Variants in TRNT1 observed in about 807,000 individuals in gnomAD.
TRNT1 encodes the protein tRNA nucleotidyl transferase 1, also known as CCA tRNA nucleotidyltransferase 1, mitochondrial.
A neutral mutation model predicts 45.6 loss-of-function variants in TRNT1; 44 were observed. The ratio of observed to expected loss-of-function variants is 0.97; its 90% CI spans 0.76 to 1.24. The LOEUF (loss-of-function observed/expected upper bound fraction) is 1.24, where lower values mean the gene tolerates loss of function less well. Ranked by LOEUF, TRNT1 falls within the 50% of genes most tolerant of loss-of-function variation. The probability of loss-of-function intolerance (pLI) is 0.00; values close to 1 mark genes in which losing one functional copy is unlikely to be tolerated. For missense variants in TRNT1, 633 were observed against 504.4 expected (o/e 1.25, Z -2.44); for synonymous variants, 201 against 171.4 (o/e 1.17, Z -1.35).
intron 2 of TRNT1, 88 bp from the exon 3 acceptor site, chr3:3,137,172 G>A (rs1270327471): frequency 1.8e-6 from 2 of 1,087,082 alleles, no homozygotes; most frequent in Non-Finnish European, 2.6e-6. Flanking sequence ...GTTCCAACTA[G>A]ATGGAAAAGC....
In TRNT1 at chr3:3,128,953, G is replaced by C. The variant is rs1270371588; in HGVS notation, c.-27-61G>C. 6.2e-6 allele frequency: 8 copies of C among 1,281,136 alleles called. No homozygotes were observed. In the East Asian group the frequency reaches 7.1e-5, roughly 11 times the overall value. The allele number at this position is 1,281,136 out of a possible 1,614,324, so 79.4% of individuals were successfully genotyped here. A position where few individuals can be genotyped will look rare whatever the true frequency, so the allele number is the denominator to read the frequency against. Reference sequence around the variant, plus strand: ...ATAAACTTGAAATGTGTCCCCCTTTGTTTTCCTTCACTTACCTTCACTTTT... The same window carrying C: ...ATAAACTTGAAATGTGTCCCCCTTTCTTTTCCTTCACTTACCTTCACTTTT... On this transcript the variant is annotated intron_variant, in intron 1 of 7. Transcript: ENST00000251607.
chr3:3,145,607 C>T (rs1247050300), intron 5 of TRNT1: 2 of 151,670 alleles, frequency 1.3e-5, no homozygotes, highest in African/African-American at 2.4e-5. Flanking sequence ...ACACACTAAC[C>T]TTTTTAAAAA....
chr3:3,148,568 GTTC>G lies in TRNT1; in HGVS notation c.*417_*419del, dbSNP rs567907193. The stretch of plus-strand genomic sequence containing the variant: ...AACAATGACTGTCTATGATGTGTCA[GTTC>G]TTATCTGAATTCCAAAATAAACCTG... On this transcript the variant is annotated 3_prime_UTR_variant, in exon 8 of 8. Transcript: ENST00000251607. 822 of 153,464 alleles carry G rather than the reference GTTC, an allele frequency of 5.4e-3. No individual in the cohort carries two copies. Among genetic ancestry groups the G allele is most frequent in the Middle Eastern group, 0.017 (5 of 296 alleles). The allele number at this position is 153,464 out of a possible 1,614,324, so 9.5% of individuals were successfully genotyped here. A position where few individuals can be genotyped will look rare whatever the true frequency, so the allele number is the denominator to read the frequency against.
intron 3 of TRNT1, among the ~76,000 whole-genome samples, 180 bp downstream of exon 3, chr3:3,137,633 C>T (rs1705408490): frequency 1.3e-5 from 2 of 152,154 alleles, no homozygotes; most frequent in African/African-American, 4.8e-5. Context: ...TGTTACCTCT[C>T]CATTTCTAAA....
chr3:3,138,976 C>T (rs1227531569), intron 3 of TRNT1, among the ~76,000 whole-genome samples: 2 of 152,102 alleles, frequency 1.3e-5, no homozygotes, highest in African/African-American at 2.4e-5. Flanking sequence ...TAGGAGTTTT[C>T]ATTAGGAGAA....
At chr3:3,127,691 G>C (rs1390132716) in intron 1 of TRNT1, 1 of 152,262 alleles carries the variant, frequency 6.6e-6, no homozygotes, top group African/African-American at 2.4e-5. Flanking sequence ...GGGAAGTAGG[G>C]TGATACCCAC....
At chr3:3,134,759 G>A (rs747577818) in intron 2 of TRNT1, among the ~76,000 whole-genome samples, 1 of 152,040 alleles carries the variant, frequency 6.6e-6, no homozygotes, top group Non-Finnish European at 1.5e-5. Context: ...TTAATTATGA[G>A]CCAGATTGGT....
downstream of TRNT1, chr3:3,153,366 C>T: frequency 2.1e-6 from 2 of 975,096 alleles, no homozygotes; most frequent in Non-Finnish European, 3.3e-6. Context: ...AACAGAAATA[C>T]AGTCTTCATT....
chr3:3,137,173 A>G (rs1351838786), intron 2 of TRNT1, 87 bp from the exon 3 acceptor site: 2 of 1,083,274 alleles, frequency 1.8e-6, no homozygotes, highest in East Asian at 2.7e-5. Flanking sequence ...TTCCAACTAG[A>G]TGGAAAAGCC....
Position 3,142,100 on chromosome 3 carries a change from A to C in TRNT1, c.481+1452A>C, listed in dbSNP as rs144534142. On this transcript the variant is annotated intron_variant, in intron 4 of 7. Transcript: ENST00000251607. Reference sequence around the variant, plus strand: ...GGTGCATTTTTCTCTCAGTTAATGTAGTCAGAGCTCCAGGTATTTATTTAT... The same window carrying C: ...GGTGCATTTTTCTCTCAGTTAATGTCGTCAGAGCTCCAGGTATTTATTTAT... Among the ~76,000 whole-genome samples, 489 of 152,346 alleles carry C rather than the reference A, an allele frequency of 3.2e-3. 1 individual carries two copies. The highest frequency in any genetic ancestry group is 0.011 in the African/African-American group (456 of 41,566).
At chr3:3,147,352 C>T in intron 6 of TRNT1, 98 bp from the exon 7 acceptor site, 1 of 1,377,758 alleles carries the variant, frequency 7.3e-7, no homozygotes, top group Non-Finnish European at 1.0e-6. Flanking sequence ...ATCCTAGTGA[C>T]AAAGCATTTC....
At position 3,137,373 on chromosome 3, in the gene TRNT1, CAAAT is replaced by C. The variant is rs772722561; in HGVS notation, c.263_266del (p.Gln88ArgfsTer12). The C allele has an allele frequency of 5.6e-6, 9 of 1,613,830 alleles. No individual in the cohort carries two copies. The highest frequency in any genetic ancestry group is 1.7e-4 in the Middle Eastern group (1 of 6,060). ...TTTTGCCACCACTGCTACCCCTACTCAAATGAAGGAGATGTTTCAGTCGGCTGGG... is the reference window on the plus strand; with the variant it reads ...TTTTGCCACCACTGCTACCCCTACTCGAAGGAGATGTTTCAGTCGGCTGGG... On this transcript the variant is annotated frameshift_variant, in exon 3 of 8. Transcript: ENST00000251607. LOFTEE classifies it high-confidence loss of function.
chr3:3,148,208 C>T lies in TRNT1; in HGVS notation c.*54C>T, dbSNP rs767699629. On this transcript the variant is annotated 3_prime_UTR_variant, in exon 8 of 8. Transcript: ENST00000251607. ...TTCTGGTAAGACTAAATTTTCTCCC[C>T]TCCCTCTTAATGAGGTTTTAGAGAC... 505 of 1,580,890 alleles carry T rather than the reference C, an allele frequency of 3.2e-4. 1 individual carries two copies. Among genetic ancestry groups the T allele is most frequent in the Non-Finnish European group, 4.2e-4 (489 of 1,165,458 alleles).
At chr3:3,140,735 C>T (rs1267191150) in intron 4 of TRNT1, 87 bp downstream of exon 4, 57 of 1,480,720 alleles carry the variant, frequency 3.8e-5, no homozygotes, top group African/African-American at 2.8e-5. Context: ...TGTTCTTCAA[C>T]TTGAGAAGTT....
rs1436871045 is a variant in TRNT1, at chr3:3,132,749, A to C, written c.148+3561A>C. On this transcript the variant is annotated intron_variant, in intron 2 of 7. Coordinates refer to ENST00000251607, the MANE Select transcript of TRNT1 (RefSeq NM_182916.3). Reference sequence around the variant, plus strand: ...ATTGAAGGAAAAAAAAAAAAACACAAAAAAAAAACACTGGATTTTCTCCAC... The same window carrying C: ...ATTGAAGGAAAAAAAAAAAAACACACAAAAAAAACACTGGATTTTCTCCAC... Among the ~76,000 whole-genome samples, 53 of 149,932 alleles carry C rather than the reference A, an allele frequency of 3.5e-4. 1 individual carries two copies. Among genetic ancestry groups the C allele is most frequent in the African/African-American group, 1.1e-3 (45 of 41,028 alleles).
intron 2 of TRNT1, chr3:3,129,575 C>T: frequency 2.2e-6 from 1 of 446,958 alleles, no homozygotes; most frequent in Non-Finnish European, 4.1e-6. Flanking sequence ...GAGTGAGACC[C>T]TGTCTCAAAA....
intron 4 of TRNT1, among the ~76,000 whole-genome samples, chr3:3,144,258 G>A (rs1705840761): frequency 6.6e-6 from 1 of 151,842 alleles, no homozygotes; most frequent in Non-Finnish European, 1.5e-5. Flanking sequence ...ATTTTATTTT[G>A]GCTATTATTT....
intron 5 of TRNT1, among the ~76,000 whole-genome samples, chr3:3,146,049 G>C (rs771252590): frequency 1.8e-4 from 27 of 150,084 alleles, no homozygotes; most frequent in Non-Finnish European, 3.3e-4. Context: ...CTGCAGTCTT[G>C]TTTTGGTTTG....
At position 3,137,198 on chromosome 3, in the gene TRNT1, T is replaced by A. The variant is rs1705379260; in HGVS notation, c.149-62T>A. On this transcript the variant is annotated intron_variant, in intron 2 of 7. Coordinates refer to ENST00000251607, the MANE Select transcript of TRNT1 (RefSeq NM_182916.3). ...ATGGAAAAGCCTTGTACTTTTGTGG[T>A]TAAAATAAACACATTGAAATAAAGA... 6 of 1,382,236 alleles carry A rather than the reference T, an allele frequency of 4.3e-6. No individual in the cohort carries two copies. The South Asian group carries it at 9.0e-5, about 21-fold the overall frequency. The allele number at this position is 1,382,236 out of a possible 1,614,324, so 85.6% of individuals were successfully genotyped here.
Sources: gnomAD v4.1 joint callset for allele counts (sites outside exome capture counted in the v4.1 genomes callset) on GRCh38, gnomAD v4.1.1 for gene constraint, MANE v1.5 for transcripts, NCBI Gene and HGNC (gene_info 2026-07-23, HGNC 2026-07-21) for gene names.